The following CCR3 variants were observed in gnomAD, a reference collection of about 807,000 sequenced individuals.
CCR3 encodes the protein C-C chemokine receptor type 3.
For missense variants in CCR3, 419 were observed against 437.5 expected (o/e 0.96, Z 0.38); for synonymous variants, 203 against 179.2 (o/e 1.13, Z -1.06).
intron 2 of CCR3, among the ~76,000 whole-genome samples, chr3:46,234,171 G>A (rs1209724407): frequency 6.6e-6 from 1 of 152,204 alleles, no homozygotes; most frequent in Admixed American, 6.5e-5. Flanking sequence ...TTAAAGATAG[G>A]TTTGAGAAAT....
At chr3:46,261,792 C>G (rs1428674533) in intron 1 of CCR3, among the ~76,000 whole-genome samples, 1 of 152,222 alleles carries the variant, frequency 6.6e-6, no homozygotes, top group Non-Finnish European at 1.5e-5. Context: ...GGAGCAGCAG[C>G]CTTGCCTCAG....
intron 2 of CCR3, among the ~76,000 whole-genome samples, chr3:46,212,752 A>C (rs949640607): frequency 7.9e-5 from 12 of 152,116 alleles, no homozygotes; most frequent in Admixed American, 2.6e-4. Flanking sequence ...ACTGTGCTTC[A>C]TCGTGTCCCA....
chr3:46,235,171 G>T (rs1410634512), intron 2 of CCR3, among the ~76,000 whole-genome samples: 3 of 152,200 alleles, frequency 2.0e-5, no homozygotes, highest in African/African-American at 4.8e-5. Context: ...TAATTAACAG[G>T]CTTCTTTTTT....
At chr3:46,212,208 T>C (rs1285100908) in intron 2 of CCR3, among the ~76,000 whole-genome samples, 2 of 152,304 alleles carry the variant, frequency 1.3e-5, no homozygotes, top group Non-Finnish European at 2.9e-5. Flanking sequence ...TGGTCACTGA[T>C]GCAAACCTTT....
chr3:46,241,849 T>G (rs1700089997), upstream of CCR3, among the ~76,000 whole-genome samples: 1 of 151,980 alleles, frequency 6.6e-6, no homozygotes, highest in African/African-American at 2.4e-5. Flanking sequence ...TCCCGATGAG[T>G]CAAATCAATG....
intron 1 of CCR3, among the ~76,000 whole-genome samples, chr3:46,260,333 C>A (rs900750351): frequency 1.3e-5 from 2 of 152,198 alleles, no homozygotes; most frequent in Admixed American, 1.3e-4. Context: ...AAAGTCTTAA[C>A]TCATTTCATC....
chr3:46,221,560 A>G (rs894831353), intron 2 of CCR3, among the ~76,000 whole-genome samples: 3 of 151,882 alleles, frequency 2.0e-5, no homozygotes, highest in African/African-American at 7.3e-5. Context: ...AGTCACACAA[A>G]CAGTTCAAAC....
intron 2 of CCR3, among the ~76,000 whole-genome samples, chr3:46,236,272 C>G (rs1700023214): frequency 1.3e-5 from 2 of 152,198 alleles, no homozygotes; most frequent in Admixed American, 1.3e-4. Context: ...ACTTGGTTAT[C>G]TCTGACCTTG....
At chr3:46,253,361 A>ATAATT (rs1559535437) in intron 1 of CCR3, among the ~76,000 whole-genome samples, 1 of 152,060 alleles carries the variant, frequency 6.6e-6, no homozygotes, top group African/African-American at 2.4e-5. Context: ...AGGGAGTCAC[A>ATAATT]CATAATTCTG....
At chr3:46,224,028 G>A (rs939401476) in intron 2 of CCR3, among the ~76,000 whole-genome samples, 1 of 152,072 alleles carries the variant, frequency 6.6e-6, no homozygotes, top group African/African-American at 2.4e-5. Context: ...CAAATAAAGG[G>A]ATGCATATAC....
chr3:46,217,503 A>G (rs1699788456), intron 2 of CCR3, among the ~76,000 whole-genome samples: 1 of 152,242 alleles, frequency 6.6e-6, no homozygotes, highest in Non-Finnish European at 1.5e-5. Context: ...CAAAAACTGC[A>G]GAATATACAT....
In CCR3 at chr3:46,236,416, A is replaced by C. The variant is rs1207170642; in HGVS notation, c.-67-5986A>C. On this transcript the variant is annotated intron_variant, in intron 2 of 3. Coordinates refer to the CCR3 transcript ENST00000357422. ...GCTCTGCTCCACCAGCCCCATCGAC[A>C]GGCTCCCAGGACGGCTCACCTTCCA... is the stretch of plus-strand genomic sequence containing the variant. Among the ~76,000 whole-genome samples, 4 of 152,212 alleles carry C rather than the reference A, an allele frequency of 2.6e-5. No individual in the cohort carries two copies. The South Asian group carries it at 6.2e-4, about 24-fold the overall frequency.
intron 2 of CCR3, among the ~76,000 whole-genome samples, chr3:46,225,050 A>G (rs1337028069): frequency 6.6e-6 from 1 of 152,224 alleles, no homozygotes; most frequent in Non-Finnish European, 1.5e-5. Flanking sequence ...TCTTATCAGT[A>G]GTAAAACAGA....
rs1699775188 is a variant in CCR3 at position 46,216,408 on chromosome 3, T to C, written c.-68+5501T>C. ...GAAGAAAGGGAATCTAAAACTTATC[T>C]GAAAACGTATCTGAGGGAATAATTG... On this transcript the variant is annotated intron_variant, in intron 2 of 3. Transcript: ENST00000357422. Among the ~76,000 whole-genome samples, 8 of 152,290 alleles carry C rather than the reference T, an allele frequency of 5.3e-5. No homozygotes were observed. In the South Asian group the frequency reaches 1.7e-3, roughly 32 times the overall value.
chr3:46,237,804 C>T (rs542181084), upstream of CCR3, among the ~76,000 whole-genome samples: 7 of 152,290 alleles, frequency 4.6e-5, no homozygotes, highest in Middle Eastern at 3.4e-3. Context: ...TTAATACCAA[C>T]GCCATGCTGT....
chr3:46,239,686 C>T (rs1575494592), upstream of CCR3, among the ~76,000 whole-genome samples: 1 of 152,136 alleles, frequency 6.6e-6, no homozygotes, highest in Non-Finnish European at 1.5e-5. Context: ...TTCCCTTATC[C>T]ACAGGTTAGG....
At chr3:46,230,204 CCTT>C (rs1295789453) in intron 2 of CCR3, among the ~76,000 whole-genome samples, 1 of 152,184 alleles carries the variant, frequency 6.6e-6, no homozygotes, top group Non-Finnish European at 1.5e-5. Context: ...ATGACACTCT[CCTT>C]CTATAAGGAG....
intron 1 of CCR3, among the ~76,000 whole-genome samples, chr3:46,259,322 G>A (rs544912774): frequency 7.6e-4 from 115 of 152,292 alleles, no homozygotes; most frequent in African/African-American, 2.7e-3. Context: ...AATAACTGCT[G>A]TGGATGAACA....
At chr3:46,241,194 C>A (rs1397593590), upstream of CCR3, among the ~76,000 whole-genome samples, 1 of 107,110 alleles carries the variant, frequency 9.3e-6, no homozygotes, top group Non-Finnish European at 2.0e-5. Context: ...TCTCTCTTAT[C>A]CTCCTTCCTC....
Sources: gnomAD v4.1 joint callset for allele counts (sites outside exome capture counted in the v4.1 genomes callset) on GRCh38, gnomAD v4.1.1 for gene constraint, MANE v1.5 for transcripts, NCBI Gene and HGNC (gene_info 2026-07-23, HGNC 2026-07-21) for gene names.